The following CNTLN variants were observed in gnomAD, a reference collection of about 807,000 sequenced individuals.
The protein encoded by CNTLN is centlein.
A neutral mutation model predicts 180.0 loss-of-function variants in CNTLN; 212 were observed. The observed-to-expected ratio is 1.18, with a 90% CI of 1.05 to 1.32. The LOEUF (loss-of-function observed/expected upper bound fraction) is 1.32. Among genes scored for constraint, CNTLN ranks in the 40% most tolerant of loss-of-function variants. CNTLN has a pLI of 0.00. For missense variants in CNTLN, 2,095 were observed against 1,610.9 expected, an observed-to-expected ratio of 1.30 and a Z score of -5.14; for synonymous variants, 722 against 563.1, an observed-to-expected ratio of 1.28 and a Z score of -3.99.
At chr9:17,453,921 G>C (rs1318162) in intron 18 of CNTLN, among the ~76,000 whole-genome samples, 93,636 of 152,068 alleles carry the variant, frequency 0.62, 29,038 homozygotes, top group East Asian at 0.72. Context: ...CAGGACCAGA[G>C]AAGAAAAGCT....
Position 17,395,038 on chromosome 9 carries a change from A to G in CNTLN, c.2584A>G (p.Lys862Glu). Residue 862 changes from lysine to glutamate, a missense_variant, in exon 15 of 26, where the codon AAG becomes GAG. Transcript: ENST00000380647. ...VMSNVFENLS[K>E]DGWEDVSESS... ...GAGCAATGTGTTTGAGAACCTCAGCAAGGACGGCTGGGAGGATGTGAGTGA... is the reference window on the plus strand; with the variant it reads ...GAGCAATGTGTTTGAGAACCTCAGCGAGGACGGCTGGGAGGATGTGAGTGA... The G allele has an allele frequency of 6.2e-7, 1 of 1,611,886 alleles. No individual in the cohort carries two copies. The highest frequency in any genetic ancestry group is 8.5e-7 in the Non-Finnish European group (1 of 1,178,378).
At chr9:17,268,807 C>G (rs1827710170) in intron 5 of CNTLN, among the ~76,000 whole-genome samples, 2 of 151,760 alleles carry the variant, frequency 1.3e-5, no homozygotes, top group Admixed American at 1.3e-4. Context: ...TGCTAGCAAT[C>G]AGCGAGACTC....
At chr9:17,357,971 A>T (rs1181802840) in intron 12 of CNTLN, among the ~76,000 whole-genome samples, 1 of 152,026 alleles carries the variant, frequency 6.6e-6, no homozygotes, top group Non-Finnish European at 1.5e-5. Flanking sequence ...TCTGAAGAAA[A>T]GAATGATATA....
chr9:17,305,221 C>T (rs1196074478), intron 7 of CNTLN, among the ~76,000 whole-genome samples: 1 of 152,024 alleles, frequency 6.6e-6, no homozygotes, highest in East Asian at 1.9e-4. Flanking sequence ...ATTTCTTCAA[C>T]AGAAAATAGC....
intron 18 of CNTLN, among the ~76,000 whole-genome samples, chr9:17,443,376 A>G (rs958150046): frequency 2.0e-5 from 3 of 151,858 alleles, no homozygotes; most frequent in South Asian, 4.1e-4. Context: ...TATGCAATTT[A>G]AAAGAAAAAT....
chr9:17,193,149 A>C (rs1021490693), intron 2 of CNTLN, among the ~76,000 whole-genome samples: 1 of 152,130 alleles, frequency 6.6e-6, no homozygotes, highest in Non-Finnish European at 1.5e-5. Flanking sequence ...ATGGGAGTAC[A>C]ATTCAAGATG....
At chr9:17,177,108 T>C (rs1820763570) in intron 2 of CNTLN, among the ~76,000 whole-genome samples, 1 of 152,170 alleles carries the variant, frequency 6.6e-6, no homozygotes, top group African/African-American at 2.4e-5. Flanking sequence ...GTTATCTCTG[T>C]CAATAATTTT....
At chr9:17,440,730 T>G (rs1830061370) in intron 18 of CNTLN, among the ~76,000 whole-genome samples, 1 of 152,188 alleles carries the variant, frequency 6.6e-6, no homozygotes, top group East Asian at 1.9e-4. Flanking sequence ...CTGTGGTGTA[T>G]CCATGCAGTG....
In CNTLN at chr9:17,200,582, T is replaced by C. The variant is rs1587116469; in HGVS notation, c.450-25621T>C. ...TTGTAACATGTATTCCTAGGTATTT[T>C]ATTTTCTTTGTAGCAATTGTGAATG... On this transcript the variant is annotated intron_variant, in intron 2 of 25. Coordinates refer to ENST00000380647, the MANE Select transcript of CNTLN (RefSeq NM_017738.4). 3.3e-5 allele frequency among the ~76,000 whole-genome samples: 5 copies of C among 152,268 alleles called. 1 individual carries two copies. In the Middle Eastern group the frequency reaches 0.017, roughly 518 times the overall value.
chr9:17,526,224 C>G, the CNTLN span, among the ~76,000 whole-genome samples: 32 of 152,268 alleles, frequency 2.1e-4, no homozygotes, highest in Admixed American at 3.9e-4. Flanking sequence ...CGTGAGCCAC[C>G]GTGCCCGGCC....
chr9:17,417,351 G>T (rs1310574974), intron 18 of CNTLN, among the ~76,000 whole-genome samples: 2 of 150,632 alleles, frequency 1.3e-5, no homozygotes, highest in Non-Finnish European at 3.0e-5. Flanking sequence ...TTCTTCTCTA[G>T]TTAAATGACA....
chr9:17,363,831 T>A (rs550459257), intron 12 of CNTLN, among the ~76,000 whole-genome samples: 256 of 152,284 alleles, frequency 1.7e-3, no homozygotes, highest in Admixed American at 4.0e-3. Context: ...TTATTTTGTT[T>A]TATACCTTGC....
At chr9:17,507,901 AC>A (rs1833961316), downstream of CNTLN, among the ~76,000 whole-genome samples, 1 of 152,178 alleles carries the variant, frequency 6.6e-6, no homozygotes, top group Non-Finnish European at 1.5e-5. Context: ...GCCACATTCA[AC>A]TTTCCTTTCA....
chr9:17,314,534 T>G (rs10810752), intron 8 of CNTLN, among the ~76,000 whole-genome samples: 91,035 of 152,022 alleles, frequency 0.6, 27,531 homozygotes, highest in East Asian at 0.73. Flanking sequence ...GAACAGTTCA[T>G]TTATGAGTTC....
At chr9:17,512,966 A>G in the CNTLN span, among the ~76,000 whole-genome samples, 210 of 152,126 alleles carry the variant, frequency 1.4e-3, 1 homozygote, top group Non-Finnish European at 1.9e-3. Flanking sequence ...ACAGGCGCCC[A>G]CCACTATGCC....
At chr9:17,345,779 A>G (rs558626366) in intron 12 of CNTLN, among the ~76,000 whole-genome samples, 2 of 152,226 alleles carry the variant, frequency 1.3e-5, no homozygotes, top group South Asian at 2.1e-4. Context: ...ACCACAAAAC[A>G]TGGGTCGTCT....
intron 13 of CNTLN, among the ~76,000 whole-genome samples, chr9:17,375,648 A>G (rs1447471851): frequency 2.0e-5 from 3 of 152,166 alleles, no homozygotes; most frequent in African/African-American, 4.8e-5. Context: ...CTTAATATCA[A>G]TAATTCGTTA....
chr9:17,342,182 T>G (rs1169781245), intron 11 of CNTLN, 143 bp from the exon 12 acceptor site: 3 of 831,112 alleles, frequency 3.6e-6, no homozygotes, highest in Non-Finnish European at 5.5e-6. Flanking sequence ...CATGCTTAGG[T>G]TTTAGGAAAT....
chr9:17,468,935 G>T (rs776965902), intron 23 of CNTLN, among the ~76,000 whole-genome samples: 1 of 151,678 alleles, frequency 6.6e-6, no homozygotes, highest in East Asian at 1.9e-4. Flanking sequence ...GTGTTTTCAC[G>T]ACTTTTTAAT....
Sources: allele counts gnomAD v4.1 joint callset (sites outside exome capture counted in the v4.1 genomes callset), GRCh38; gene constraint gnomAD v4.1.1; transcripts MANE v1.5; gene names NCBI Gene and HGNC (gene_info 2026-07-23, HGNC 2026-07-21).